TOX3: variants seen among roughly 807,000 people sequenced by gnomAD.
TOX3 encodes the protein TOX high mobility group box family member 3, also known as CAG trinucleotide repeat-containing gene F9 protein.
A neutral mutation model predicts 64.3 loss-of-function variants in TOX3; 22 were observed. The ratio of observed to expected loss-of-function variants is 0.34; its 90% confidence interval spans 0.24 to 0.49. The LOEUF (loss-of-function observed/expected upper bound fraction) is 0.49, where lower values mean the gene tolerates loss of function less well. TOX3 is among the 20% of genes least tolerant of loss of function. The pLI, the probability that TOX3 is intolerant of heterozygous loss-of-function variation, is 0.99. For synonymous variants in TOX3, 291 were observed against 273.6 expected, an observed-to-expected ratio of 1.06 and a Z score of -0.63; for missense variants, 661 against 714.4, an observed-to-expected ratio of 0.93 and a Z score of 0.85.
In TOX3 at chr16:52,472,753, G is replaced by A. The variant is rs188158089; in HGVS notation, c.88-4179C>T. Among the ~76,000 whole-genome samples, 6 of 152,284 alleles carry A rather than the reference G, an allele frequency of 3.9e-5. No individual in the cohort carries two copies. The East Asian group carries it at 1.2e-3, about 29-fold the overall frequency. On this transcript the variant is annotated intron_variant, in intron 1 of 6. Transcript: ENST00000219746. Reference sequence around the variant, plus strand: ...TTAAAGAAATCAGGCAATTCCAACTGTTTTAAAGACACATAAATGGTCACT... The same window carrying A: ...TTAAAGAAATCAGGCAATTCCAACTATTTTAAAGACACATAAATGGTCACT...
At position 52,450,511 on chromosome 16, in the gene TOX3, C is replaced by G; in HGVS notation, c.444G>C (p.Gln148His). The change falls in exon 4 of 7, where the codon CAG (glutamine) becomes CAC (histidine). Residue 148 changes from glutamine to histidine, a missense_variant. Around this residue, in one of 3 missense-constraint regions of TOX3, gnomAD observed 259 missense variants for 261.2 expected, o/e 0.99. Transcript: ENST00000219746. ...TGGACCGCATGATCAGGGAGGGATC[C>G]TGCCGGTACTGGGACACTTGTGTGT... ...QSHTQVSQYR[Q>H]DPSLIMRSIV... 1.2e-6 allele frequency: 2 copies of G among 1,614,032 alleles called. No individual in the cohort carries two copies. The highest frequency in any genetic ancestry group is 1.7e-6 in the Non-Finnish European group (2 of 1,179,890).
intron 1 of TOX3, among the ~76,000 whole-genome samples, chr16:52,533,645 G>A (rs1489792285): frequency 6.6e-6 from 1 of 152,094 alleles, no homozygotes; most frequent in Non-Finnish European, 1.5e-5. Context: ...TCCATTTGCA[G>A]TAGTCTTAAT....
chr16:52,504,466 CA>C lies in TOX3; in HGVS notation c.88-35893del, dbSNP rs71141197. 7.8e-3 allele frequency among the ~76,000 whole-genome samples: 737 copies of C among 94,046 alleles called. 13 individuals carry two copies. The highest frequency in any genetic ancestry group is 0.057 in the Admixed American group (508 of 8,852). The allele number at this position is 94,046 out of a possible 152,430, so 61.7% of individuals were successfully genotyped here. A position where few individuals can be genotyped will look rare whatever the true frequency, so the allele number is the denominator to read the frequency against. ...TAGGTGATAGAGCGAGACTCCGTCT[CA>C]AAAAAAAAAAAAAAAAAGAAGTTCA... On this transcript the variant is annotated intron_variant, in intron 1 of 6. Coordinates refer to ENST00000219746, the MANE Select transcript of TOX3 (RefSeq NM_001080430.4).
intron 1 of TOX3, among the ~76,000 whole-genome samples, chr16:52,534,829 C>G (rs1962916496): frequency 6.6e-6 from 1 of 151,876 alleles, no homozygotes; most frequent in South Asian, 2.1e-4. Context: ...ATTTTGTTAC[C>G]AAGAGTTGGG....
At chr16:52,466,615 A>ATG (rs1330271331) in intron 2 of TOX3, among the ~76,000 whole-genome samples, 2 of 152,308 alleles carry the variant, frequency 1.3e-5, no homozygotes, top group Admixed American at 1.3e-4. Context: ...AACATAAAAC[A>ATG]TGTCTATGCT....
At chr16:52,524,779 C>A (rs1163527376) in intron 1 of TOX3, among the ~76,000 whole-genome samples, 3 of 152,110 alleles carry the variant, frequency 2.0e-5, no homozygotes, top group Non-Finnish European at 4.4e-5. Context: ...ACAGGCAAGA[C>A]CTTTCAAAAT....
At position 52,439,285 on chromosome 16, in the gene TOX3, G is replaced by C. The variant is rs773476008; in HGVS notation, c.1671C>G (p.His557Gln). 1.9e-6 allele frequency: 3 copies of C among 1,613,798 alleles called. No homozygotes were observed. Among genetic ancestry groups the C allele is most frequent in the Non-Finnish European group, 2.5e-6 (3 of 1,179,878 alleles). The part of the protein sequence containing the change: ...IGSPQPASQQ[H>Q]QSQIQSQTQT... Reference sequence around the variant, plus strand: ...GTGTCTGAGACTGTATTTGCGACTGGTGCTGCTGAGAGGCTGGCTGGGGGC... The same window carrying C: ...GTGTCTGAGACTGTATTTGCGACTGCTGCTGCTGAGAGGCTGGCTGGGGGC... Residue 557 changes from histidine (H) to glutamine (Q), a missense_variant, in exon 7 of 7, where the codon CAC (histidine) becomes CAG (glutamine). Around this residue, in one of 3 missense-constraint regions of TOX3, gnomAD observed 299 missense variants for 292.1 expected, o/e 1.02. Coordinates refer to ENST00000219746, the MANE Select transcript of TOX3 (RefSeq NM_001080430.4).
chr16:52,535,899 T>C (rs915134843), intron 1 of TOX3, among the ~76,000 whole-genome samples: 1 of 152,226 alleles, frequency 6.6e-6, no homozygotes, highest in African/African-American at 2.4e-5. Flanking sequence ...ACACTTCTAA[T>C]AGGGATCATC....
At chr16:52,479,002 A>C (rs1286828211) in intron 1 of TOX3, among the ~76,000 whole-genome samples, 1 of 152,214 alleles carries the variant, frequency 6.6e-6, no homozygotes, top group Admixed American at 6.5e-5. Context: ...TACAATGGTA[A>C]ATATTAGGCT....
chr16:52,440,852 C>T (rs1455701661), intron 6 of TOX3, among the ~76,000 whole-genome samples: 1 of 145,766 alleles, frequency 6.9e-6, no homozygotes, highest in East Asian at 2.3e-4. Context: ...CCTCTGCCTC[C>T]TGGGTTTGTG....
intron 1 of TOX3, among the ~76,000 whole-genome samples, chr16:52,512,492 A>C (rs1354549721): frequency 6.6e-6 from 1 of 152,248 alleles, no homozygotes; most frequent in African/African-American, 2.4e-5. Flanking sequence ...TGCCATATTC[A>C]TGATCCCATG....
chr16:52,516,232 AT>A (rs965833394), intron 1 of TOX3, among the ~76,000 whole-genome samples: 2 of 152,194 alleles, frequency 1.3e-5, no homozygotes, highest in East Asian at 1.9e-4. Context: ...TGCATTTAAT[AT>A]TTTTTATCCA....
chr16:52,464,070 A>C lies in TOX3; in HGVS notation c.272T>G (p.Leu91Arg). 6.2e-7 allele frequency: 1 copy of C among 1,603,992 alleles called. No homozygotes were observed. The highest frequency in any genetic ancestry group is 8.5e-7 in the Non-Finnish European group (1 of 1,175,638). The change falls in exon 3 of 7, where the codon CTC (leucine) becomes CGC (arginine). Residue 91 changes from leucine to arginine, a missense_variant. Physicochemically the swap from Leu to Arg is moderately radical, Grantham distance 102 (BLOSUM62 -2). Coordinates refer to ENST00000219746, the MANE Select transcript of TOX3 (RefSeq NM_001080430.4). ...TCCCTGGGAAGGCAATGGATCGCTG[A>C]GGGCTTGAAAGGGTAGCAGTACATC... ...MPDVLLPFQA[L>R]SDPLPSQGSE...
chr16:52,508,765 T>C (rs1034261675), intron 1 of TOX3, among the ~76,000 whole-genome samples: 1 of 152,184 alleles, frequency 6.6e-6, no homozygotes, highest in Non-Finnish European at 1.5e-5. Context: ...TTGATAACTT[T>C]CAACAAAGTT....
At chr16:52,495,275 T>G (rs960348429) in intron 1 of TOX3, among the ~76,000 whole-genome samples, 2 of 152,182 alleles carry the variant, frequency 1.3e-5, no homozygotes, top group African/African-American at 2.4e-5. Context: ...AAAATGCAAT[T>G]CCCTGATGCC....
At chr16:52,542,461 T>C (rs1034086599) in intron 1 of TOX3, among the ~76,000 whole-genome samples, 9 of 152,224 alleles carry the variant, frequency 5.9e-5, no homozygotes, top group African/African-American at 2.2e-4. Flanking sequence ...TTAAAATTCA[T>C]GATAATTCAC....
chr16:52,542,620 T>C lies in TOX3; in HGVS notation c.87+4017A>G, dbSNP rs1963098892. 3.3e-5 allele frequency among the ~76,000 whole-genome samples: 5 copies of C among 152,156 alleles called. No homozygotes were observed. In the South Asian group the frequency reaches 1.0e-3, roughly 32 times the overall value. ...GTTCTCTACTTGGCCGCAAACCCTG[T>C]CTCCATGTAGGCTAACTTGCTGTCC... On this transcript the variant is annotated intron_variant, in intron 1 of 6. Transcript: ENST00000219746.
At chr16:52,497,194 A>G (rs145182348) in intron 1 of TOX3, among the ~76,000 whole-genome samples, 1 of 152,354 alleles carries the variant, frequency 6.6e-6, no homozygotes, top group African/African-American at 2.4e-5. Flanking sequence ...CACAAACACC[A>G]GCCCAGTGCA....
intron 1 of TOX3, among the ~76,000 whole-genome samples, chr16:52,525,192 T>C (rs1363414288): frequency 6.6e-6 from 1 of 152,068 alleles, no homozygotes; most frequent in Non-Finnish European, 1.5e-5. Context: ...GCTGATGATA[T>C]TTTGTGGGTG....
Sources: allele counts gnomAD v4.1 joint callset (sites outside exome capture counted in the v4.1 genomes callset), GRCh38; gene constraint gnomAD v4.1.1; regional missense constraint gnomAD v4.1.1; transcripts MANE v1.5; gene names NCBI Gene and HGNC (gene_info 2026-07-23, HGNC 2026-07-21).